LARGE1: variants seen among roughly 807,000 people sequenced by gnomAD.
LARGE1 encodes the protein xylosyl- and glucuronyltransferase LARGE1.
In LARGE1, 43 loss-of-function variants were observed where a neutral mutation model predicts 87.6. The observed-to-expected ratio is 0.49, with a 90% CI of 0.38 to 0.63. The LOEUF (loss-of-function observed/expected upper bound fraction) is 0.63, where lower values mean the gene tolerates loss of function less well. LARGE1 is among the 30% of genes least tolerant of loss of function. LARGE1 has a pLI of 0.00. For missense variants in LARGE1, 802 were observed against 1,000.2 expected (o/e 0.80, Z 2.67); for synonymous variants, 434 against 394.6 (o/e 1.10, Z -1.18).
At chr22:33,219,150 A>G (rs953694148) in intron 11 of LARGE1, among the ~76,000 whole-genome samples, 1 of 152,238 alleles carries the variant, frequency 6.6e-6, no homozygotes, top group Non-Finnish European at 1.5e-5. Context: ...TGGGGAGTTT[A>G]TACAGCAGCT....
At chr22:33,613,512 A>G (rs2079499107) in intron 4 of LARGE1, among the ~76,000 whole-genome samples, 1 of 152,138 alleles carries the variant, frequency 6.6e-6, no homozygotes, top group South Asian at 2.1e-4. Flanking sequence ...ATTTTTGGAA[A>G]CAGAGTTTTC....
At chr22:33,831,115 T>TG (rs1347756646) in intron 1 of LARGE1, among the ~76,000 whole-genome samples, 3 of 150,538 alleles carry the variant, frequency 2.0e-5, no homozygotes, top group Non-Finnish European at 3.0e-5. Context: ...TTTTTTTTTT[T>TG]GAGACGGAGT....
At chr22:33,685,520 G>A (rs912178573) in intron 2 of LARGE1, among the ~76,000 whole-genome samples, 4 of 152,180 alleles carry the variant, frequency 2.6e-5, no homozygotes, top group Non-Finnish European at 1.5e-5. Context: ...ATCAACTGTG[G>A]TTTTGTTAAA....
intron 2 of LARGE1, among the ~76,000 whole-genome samples, chr22:33,678,918 T>C (rs2081661473): frequency 6.6e-6 from 1 of 152,212 alleles, no homozygotes; most frequent in African/African-American, 2.4e-5. Context: ...ATAGTGCCAG[T>C]GCATTAGGAC....
At chr22:33,309,033 A>G (rs963028488) in intron 11 of LARGE1, among the ~76,000 whole-genome samples, 6 of 152,174 alleles carry the variant, frequency 3.9e-5, no homozygotes, top group Non-Finnish European at 8.8e-5. Context: ...CTGGTATACT[A>G]TACAGGCAAG....
At chr22:33,855,333 C>CAAAAA in intron 1 of LARGE1, among the ~76,000 whole-genome samples, 1 of 151,362 alleles carries the variant, frequency 6.6e-6, no homozygotes, top group Non-Finnish European at 1.5e-5. Flanking sequence ...GACCCCGTCT[C>CAAAAA]AAAAAAAATA....
chr22:33,455,757 C>CAAAAAAAA (rs35353034), intron 6 of LARGE1, among the ~76,000 whole-genome samples: 2 of 64,242 alleles, frequency 3.1e-5, no homozygotes, highest in African/African-American at 6.3e-5. Context: ...CTGTCTCAGC[C>CAAAAAAAA]AAAAAAAAAA....
chr22:33,714,407 G>A (rs996354823), intron 2 of LARGE1, among the ~76,000 whole-genome samples: 3 of 152,134 alleles, frequency 2.0e-5, no homozygotes, highest in Admixed American at 6.5e-5. Context: ...TAAGCCTGAG[G>A]CCTCATCTGT....
intron 6 of LARGE1, among the ~76,000 whole-genome samples, chr22:33,458,110 CTTTT>C (rs571847420): frequency 7.0e-6 from 1 of 142,048 alleles, no homozygotes; most frequent in African/African-American, 2.6e-5. Flanking sequence ...TAATTTTTTT[CTTTT>C]TTTTTTTTTT....
At chr22:33,557,985 G>A (rs2077744642) in intron 6 of LARGE1, among the ~76,000 whole-genome samples, 1 of 152,222 alleles carries the variant, frequency 6.6e-6, no homozygotes, top group Non-Finnish European at 1.5e-5. Flanking sequence ...CTGAATTCCA[G>A]CGCCTTCTGT....
At chr22:33,695,429 A>G (rs926616734) in intron 2 of LARGE1, among the ~76,000 whole-genome samples, 1 of 152,170 alleles carries the variant, frequency 6.6e-6, no homozygotes, top group African/African-American at 2.4e-5. Flanking sequence ...AGATGAAGGA[A>G]GGTACCACAC....
chr22:33,443,808 AAAAAGG>A (rs1163451918), intron 6 of LARGE1, among the ~76,000 whole-genome samples: 86 of 152,346 alleles, frequency 5.6e-4, no homozygotes, highest in African/African-American at 2.0e-3. Context: ...GGAAAAACTA[AAAAAGG>A]AACACAGAGC....
At chr22:33,426,075 C>T (rs553588074) in intron 7 of LARGE1, among the ~76,000 whole-genome samples, 58 of 152,252 alleles carry the variant, frequency 3.8e-4, no homozygotes, top group Non-Finnish European at 7.4e-4. Context: ...CACATATTCA[C>T]ATCCCTTGCA....
At chr22:33,556,516 A>AAGGG (rs1399464851) in intron 6 of LARGE1, among the ~76,000 whole-genome samples, 3 of 78,988 alleles carry the variant, frequency 3.8e-5, no homozygotes, top group African/African-American at 6.0e-5. Context: ...AGAAGGAAGG[A>AAGGG]AGGGAGGGAG....
At chr22:33,885,300 C>T (rs1266830330) in intron 1 of LARGE1, among the ~76,000 whole-genome samples, 1 of 152,162 alleles carries the variant, frequency 6.6e-6, no homozygotes, top group African/African-American at 2.4e-5. Flanking sequence ...AAGCTGATAT[C>T]TTAGCTGACC....
At chr22:33,521,982 G>C (rs534625785) in intron 6 of LARGE1, among the ~76,000 whole-genome samples, 8 of 152,114 alleles carry the variant, frequency 5.3e-5, no homozygotes, top group Non-Finnish European at 1.2e-4. Flanking sequence ...GAACAGGAGC[G>C]GGAGAGAGAA....
intron 9 of LARGE1, among the ~76,000 whole-genome samples, chr22:33,364,796 A>G (rs916778566): frequency 6.6e-6 from 1 of 152,090 alleles, no homozygotes; most frequent in Middle Eastern, 3.2e-3. Context: ...TCCTGGGTTC[A>G]TGCAAACGTC....
chr22:33,222,161 G>A (rs1057418967), intron 11 of LARGE1, among the ~76,000 whole-genome samples: 2 of 152,154 alleles, frequency 1.3e-5, no homozygotes, highest in Non-Finnish European at 2.9e-5. Flanking sequence ...TTTCGAACAC[G>A]ATACTTAAAA....
intron 11 of LARGE1, among the ~76,000 whole-genome samples, chr22:33,223,924 G>T (rs1925583411): frequency 6.6e-6 from 1 of 152,132 alleles, no homozygotes; most frequent in South Asian, 2.1e-4. Context: ...CCCCACCATT[G>T]GTCGGCATCC....
Sources: allele counts gnomAD v4.1 joint callset (sites outside exome capture counted in the v4.1 genomes callset), GRCh38; gene constraint gnomAD v4.1.1; transcripts MANE v1.5; gene names NCBI Gene and HGNC (gene_info 2026-07-23, HGNC 2026-07-21).